The following ANKS1B variants were observed in gnomAD, a reference collection of about 807,000 sequenced individuals.
ANKS1B encodes the protein ankyrin repeat and sterile alpha motif domain-containing protein 1B.
A neutral mutation model predicts 148.3 loss-of-function variants in ANKS1B; 36 were observed. The ratio of observed to expected loss-of-function variants is 0.24; its 90% confidence interval spans 0.19 to 0.32. The LOEUF is 0.32. Among genes scored for constraint, ANKS1B ranks in the 10% least tolerant of loss-of-function variants. The pLI is 1.00. For missense variants in ANKS1B, 1,157 were observed against 1,542.6 expected, an observed-to-expected ratio of 0.75 and a Z score of 4.19; for synonymous variants, 542 against 560.8, an observed-to-expected ratio of 0.97 and a Z score of 0.47.
At chr12:98,920,552 G>A (rs1445523802) in intron 17 of ANKS1B, among the ~76,000 whole-genome samples, 1 of 152,140 alleles carries the variant, frequency 6.6e-6, no homozygotes, top group African/African-American at 2.4e-5. Context: ...ACCTTATAAA[G>A]CCATCAGATC....
At chr12:99,429,835 G>A (rs143708557) in intron 11 of ANKS1B, among the ~76,000 whole-genome samples, 1,781 of 152,120 alleles carry the variant, frequency 0.012, 40 homozygotes, top group African/African-American at 0.038. Context: ...GTGGTGGCAG[G>A]CGCCTGTGGT....
At chr12:99,045,799 A>AATTGC (rs1466412948) in intron 17 of ANKS1B, among the ~76,000 whole-genome samples, 1 of 152,222 alleles carries the variant, frequency 6.6e-6, no homozygotes, top group Non-Finnish European at 1.5e-5. Context: ...ATTTGCCTGC[A>AATTGC]ATTGCCCCTG....
chr12:98,990,590 C>A (rs2099926055), intron 17 of ANKS1B, among the ~76,000 whole-genome samples: 1 of 149,206 alleles, frequency 6.7e-6, no homozygotes, highest in African/African-American at 2.5e-5. Context: ...CACTAAGTAA[C>A]CAAAGATAAA....
In ANKS1B at chr12:99,246,388, A is replaced by G; in HGVS notation, c.2233T>C (p.Tyr745His). The change falls in exon 13 of 27, where the codon TAT becomes CAT. Residue 745 changes from tyrosine to histidine, a missense_variant. By Grantham distance (83) the Tyr-to-His change is moderately conservative. Coordinates refer to ENST00000683438, the MANE Select transcript of ANKS1B (RefSeq NM_001352186.2). ...VSKSDSDLIA[Y>H]PSNEKTSRVN... is the part of the protein sequence containing the mutation. ...CTTGATGTTTTCTCATTGGAAGGAT[A>G]GGCAATGAGATCAGAATCAGATTTA... 3.1e-6 allele frequency: 5 copies of G among 1,613,772 alleles called. No homozygotes were observed. The highest frequency in any genetic ancestry group is 3.4e-6 in the Non-Finnish European group (4 of 1,179,744).
chr12:99,940,472 G>A (rs2094892031), intron 1 of ANKS1B, among the ~76,000 whole-genome samples: 1 of 152,228 alleles, frequency 6.6e-6, no homozygotes, highest in South Asian at 2.1e-4. Context: ...AAGATAATCT[G>A]TAGGTTACCT....
At chr12:98,890,518 T>C (rs2099750251) in intron 17 of ANKS1B, among the ~76,000 whole-genome samples, 1 of 152,220 alleles carries the variant, frequency 6.6e-6, no homozygotes, top group African/African-American at 2.4e-5. Context: ...TTTTTACAGT[T>C]ACATTTTATA....
Position 99,806,526 on chromosome 12 carries a change from C to A in ANKS1B, c.547G>T (p.Ala183Ser). ...RLRVVKMIISAHPNLMSCNTR... is the reference protein window; with the variant it reads ...RLRVVKMIISSHPNLMSCNTR... ...TTGCAGCTCATTAAGTTAGGATGTG[C>A]ACTGATGATCATTTTTACCACTCTA... Residue 183 changes from alanine to serine, a missense_variant, in exon 4 of 27, where the codon GCA (alanine) becomes TCA (serine). By Grantham distance (99) the Ala-to-Ser change is moderately conservative (BLOSUM62 1). Transcript: ENST00000683438. 2 of 1,613,906 alleles carry A rather than the reference C, an allele frequency of 1.2e-6. No homozygotes were observed. The highest frequency in any genetic ancestry group is 1.7e-6 in the Non-Finnish European group (2 of 1,179,866).
chr12:99,534,224 A>C (rs2097036134), intron 9 of ANKS1B, among the ~76,000 whole-genome samples: 1 of 152,234 alleles, frequency 6.6e-6, no homozygotes, highest in African/African-American at 2.4e-5. Context: ...TCTTGTTAGA[A>C]GTATGTTCAG....
At chr12:99,210,837 C>T (rs774830843) in intron 14 of ANKS1B, among the ~76,000 whole-genome samples, 20 of 152,298 alleles carry the variant, frequency 1.3e-4, no homozygotes, top group Non-Finnish European at 2.4e-4. Context: ...TTGGCATTAT[C>T]GCCAAAATTC....
At chr12:99,282,488 C>T (rs971452521) in intron 12 of ANKS1B, among the ~76,000 whole-genome samples, 2 of 152,130 alleles carry the variant, frequency 1.3e-5, no homozygotes, top group Non-Finnish European at 2.9e-5. Context: ...ACTACTCTGG[C>T]TACTCTTGTG....
intron 17 of ANKS1B, among the ~76,000 whole-genome samples, chr12:98,886,946 C>G (rs111968964): frequency 6.6e-6 from 1 of 151,674 alleles, no homozygotes; most frequent in Non-Finnish European, 1.5e-5. Context: ...GGGTCTTTCT[C>G]GAAAAAAAGA....
chr12:98,945,084 A>C (rs1212909750), intron 17 of ANKS1B, among the ~76,000 whole-genome samples: 1 of 152,222 alleles, frequency 6.6e-6, no homozygotes, highest in Non-Finnish European at 1.5e-5. Flanking sequence ...CAGGGGTGAT[A>C]AGCTTTTCTG....
intron 17 of ANKS1B, among the ~76,000 whole-genome samples, chr12:99,051,803 T>A (rs2099966257): frequency 6.6e-6 from 1 of 152,242 alleles, no homozygotes; most frequent in Non-Finnish European, 1.5e-5. Flanking sequence ...ACAATTTCTA[T>A]ACGATGTTCT....
intron 17 of ANKS1B, among the ~76,000 whole-genome samples, chr12:99,041,581 C>T (rs1057400084): frequency 2.6e-5 from 4 of 152,032 alleles, no homozygotes; most frequent in East Asian, 1.9e-4. Flanking sequence ...TTTTTCCCCC[C>T]GGTGAGCCCC....
At chr12:99,959,928 G>A (rs1375879755) in intron 1 of ANKS1B, among the ~76,000 whole-genome samples, 2 of 152,152 alleles carry the variant, frequency 1.3e-5, no homozygotes, top group East Asian at 1.9e-4. Flanking sequence ...TTCAAAATCA[G>A]GTCACAATTG....
chr12:99,189,689 C>T (rs1856076610), intron 14 of ANKS1B, among the ~76,000 whole-genome samples: 1 of 152,128 alleles, frequency 6.6e-6, no homozygotes, highest in African/African-American at 2.4e-5. Context: ...CGGAACTTAT[C>T]TCAAAATAAT....
At chr12:98,977,569 C>T (rs147715538) in intron 17 of ANKS1B, among the ~76,000 whole-genome samples, 18 of 152,144 alleles carry the variant, frequency 1.2e-4, no homozygotes, top group East Asian at 7.7e-4. Context: ...TCTGATTTCA[C>T]GCTTAGAAAT....
intron 25 of ANKS1B, among the ~76,000 whole-genome samples, chr12:98,762,648 C>T (rs2098425227): frequency 6.6e-6 from 1 of 152,224 alleles, no homozygotes; most frequent in Admixed American, 6.5e-5. Flanking sequence ...GAAGACTCAC[C>T]TCGGGCATCA....
intron 9 of ANKS1B, among the ~76,000 whole-genome samples, chr12:99,633,049 G>A (rs551893795): frequency 6.6e-6 from 1 of 150,598 alleles, no homozygotes; most frequent in South Asian, 2.1e-4. Flanking sequence ...GAGAATGATG[G>A]TTTCCAGCTT....
Sources: allele counts gnomAD v4.1 joint callset (sites outside exome capture counted in the v4.1 genomes callset), GRCh38; gene constraint gnomAD v4.1.1; transcripts MANE v1.5; gene names NCBI Gene and HGNC (gene_info 2026-07-23, HGNC 2026-07-21).